TNR: variants seen among roughly 807,000 people sequenced by gnomAD.
TNR encodes the protein tenascin-R.
Under a neutral mutation model 150.4 loss-of-function variants are expected in TNR, and 45 were observed. That is an observed-to-expected ratio of 0.30 (90% CI 0.24 to 0.38). The LOEUF (loss-of-function observed/expected upper bound fraction) is 0.38. Among genes scored for constraint, TNR ranks in the 10% least tolerant of loss-of-function variants. The pLI is 1.00. For synonymous variants in TNR, 687 were observed against 678.4 expected, an observed-to-expected ratio of 1.01 and a Z score of -0.20; for missense variants, 1,544 against 1,759.1, an observed-to-expected ratio of 0.88 and a Z score of 2.19.
At position 175,681,464 on chromosome 1, in the gene TNR, A is replaced by T. The variant is rs530273293; in HGVS notation, c.-165+61762T>A. On this transcript the variant is annotated intron_variant, in intron 1 of 22. Coordinates refer to ENST00000367674, the MANE Select transcript of TNR (RefSeq NM_003285.3). ...TGCAGCAAAGAGAGCAGGAGCGAGGAGTGTGGAGGAAGGCTCCATCTATAG... is the reference window on the plus strand; with the variant it reads ...TGCAGCAAAGAGAGCAGGAGCGAGGTGTGTGGAGGAAGGCTCCATCTATAG... Among the ~76,000 whole-genome samples the T allele has an allele frequency of 8.9e-4, 136 of 152,302 alleles. 6 individuals carry two copies. The South Asian group carries it at 0.028, about 31-fold the overall frequency.
intron 1 of TNR, among the ~76,000 whole-genome samples, chr1:175,705,277 G>A (rs1666815104): frequency 2.0e-5 from 3 of 152,140 alleles, no homozygotes. Context: ...CTCAGCCACT[G>A]TAAACCCCAA....
chr1:175,571,939 C>A (rs551848132), intron 1 of TNR, among the ~76,000 whole-genome samples: 2 of 152,106 alleles, frequency 1.3e-5, no homozygotes, highest in African/African-American at 2.4e-5. Flanking sequence ...TGGAACCAGG[C>A]CTATTTGCCC....
intron 2 of TNR, among the ~76,000 whole-genome samples, chr1:175,440,966 C>T (rs751841149): frequency 1.1e-4 from 17 of 152,100 alleles, no homozygotes; most frequent in Non-Finnish European, 1.9e-4. Flanking sequence ...AGGGAAGGTA[C>T]TGTATATGGC....
intron 2 of TNR, among the ~76,000 whole-genome samples, chr1:175,527,846 T>G (rs1659906815): frequency 6.6e-6 from 1 of 152,208 alleles, no homozygotes; most frequent in South Asian, 2.1e-4. Context: ...AAGAGATGGA[T>G]ATTTTTTCAT....
At chr1:175,508,678 C>A (rs566504958) in intron 2 of TNR, among the ~76,000 whole-genome samples, 1 of 152,278 alleles carries the variant, frequency 6.6e-6, no homozygotes, top group South Asian at 2.1e-4. Flanking sequence ...AAATCTTTCT[C>A]CAGTTCTGCC....
At chr1:175,498,025 C>A (rs859391) in intron 2 of TNR, among the ~76,000 whole-genome samples, 89,755 of 151,970 alleles carry the variant, frequency 0.59, 26,771 homozygotes, top group African/African-American at 0.65. Context: ...ATGCCACTGC[C>A]CTCTAGCCTG....
chr1:175,518,633 C>T (rs1659507770), intron 2 of TNR, among the ~76,000 whole-genome samples: 1 of 152,092 alleles, frequency 6.6e-6, no homozygotes, highest in Admixed American at 6.5e-5. Context: ...TCACACAGTC[C>T]CTCTTGCTGC....
At chr1:175,350,671 A>T (rs549902377) in intron 18 of TNR, among the ~76,000 whole-genome samples, 196 of 152,332 alleles carry the variant, frequency 1.3e-3, no homozygotes, top group African/African-American at 4.5e-3. Flanking sequence ...GAAACACAAC[A>T]AGGGAAGACA....
chr1:175,395,410 G>A (rs989073160), intron 5 of TNR, among the ~76,000 whole-genome samples: 7 of 152,110 alleles, frequency 4.6e-5, no homozygotes, highest in South Asian at 2.1e-4. Context: ...TTACTGGCCC[G>A]GGGGCTTTCT....
chr1:175,317,894 C>G lies in TNR; in HGVS notation c.*5463G>C, dbSNP rs1317140145. 1.3e-5 allele frequency: 2 copies of G among 152,182 alleles called. No homozygotes were observed. Among genetic ancestry groups the G allele is most frequent in the East Asian group, 3.9e-4 (2 of 5,190 alleles). The allele number at this position is 152,182 out of a possible 1,614,324, so 9.4% of individuals were successfully genotyped here. A position where few individuals can be genotyped will look rare whatever the true frequency, so the allele number is the denominator to read the frequency against. ...CTTGAGGAAGGAGAGAGGATTTCCC[C>G]TTTGGAGAAAATGCAACACTGTCCA... On this transcript the variant is annotated 3_prime_UTR_variant, in exon 23 of 23. Coordinates refer to ENST00000367674, the MANE Select transcript of TNR (RefSeq NM_003285.3).
chr1:175,601,812 C>G (rs575554920), intron 1 of TNR, among the ~76,000 whole-genome samples: 1 of 152,088 alleles, frequency 6.6e-6, no homozygotes, highest in Non-Finnish European at 1.5e-5. Flanking sequence ...AACTCTATTC[C>G]TACCTAATAG....
intron 1 of TNR, among the ~76,000 whole-genome samples, chr1:175,648,543 T>C (rs981951274): frequency 6.6e-6 from 1 of 152,126 alleles, no homozygotes; most frequent in African/African-American, 2.4e-5. Flanking sequence ...AGATTGTCTA[T>C]CTCTGAGAAG....
At chr1:175,528,971 C>T (rs1571565352) in intron 1 of TNR, among the ~76,000 whole-genome samples, 1 of 152,338 alleles carries the variant, frequency 6.6e-6, no homozygotes, top group East Asian at 1.9e-4. Flanking sequence ...TAAATGCATG[C>T]AAAACAAAGT....
intron 1 of TNR, among the ~76,000 whole-genome samples, chr1:175,532,546 T>C (rs1660113237): frequency 6.6e-6 from 1 of 152,246 alleles, no homozygotes; most frequent in African/African-American, 2.4e-5. Context: ...AAGAAGTTCA[T>C]GAATTCTCCA....
rs547903125 is a variant in TNR at position 175,491,865 on chromosome 1, G to A, written c.-64+36404C>T. Among the ~76,000 whole-genome samples the A allele has an allele frequency of 2.4e-4, 36 of 151,764 alleles. No homozygotes were observed. The South Asian group carries it at 7.1e-3, about 30-fold the overall frequency. On this transcript the variant is annotated intron_variant, in intron 2 of 22. Coordinates refer to ENST00000367674, the MANE Select transcript of TNR (RefSeq NM_003285.3). ...GGGGTTTCACTGTGTTAGCCAGGAT[G>A]GTCTCGATCTCCTGACCTCGTGATC...
rs1391037583 is a variant in TNR, at chr1:175,406,757, A to G, written c.-43T>C. On this transcript the variant is annotated 5_prime_UTR_variant, in exon 3 of 23. Transcript: ENST00000367674. The stretch of plus-strand genomic sequence containing the variant: ...TGGGTTCAGGACCAGCCTGCAGCAC[A>G]CAGCATGGAGTTGTGGGAATCTGCA... 6.3e-7 allele frequency: 1 copy of G among 1,598,072 alleles called. No individual in the cohort carries two copies. The highest frequency in any genetic ancestry group is 1.7e-5 in the Admixed American group (1 of 58,956).
chr1:175,604,185 A>G (rs555200003), intron 1 of TNR, among the ~76,000 whole-genome samples: 1 of 152,234 alleles, frequency 6.6e-6, no homozygotes, highest in East Asian at 1.9e-4. Flanking sequence ...AGATGGGCCA[A>G]GGCAGGCCCA....
intron 1 of TNR, among the ~76,000 whole-genome samples, chr1:175,696,990 A>G (rs1221093618): frequency 1.3e-5 from 2 of 151,882 alleles, no homozygotes; most frequent in South Asian, 2.1e-4. Context: ...GGTTTGCCCT[A>G]GTTTACATTT....
intron 1 of TNR, among the ~76,000 whole-genome samples, chr1:175,623,557 G>C (rs1043427719): frequency 6.6e-6 from 1 of 152,094 alleles, no homozygotes; most frequent in Non-Finnish European, 1.5e-5. Context: ...ATCAAGCCCC[G>C]TGGGACACCC....
Sources: allele counts gnomAD v4.1 joint callset (sites outside exome capture counted in the v4.1 genomes callset), GRCh38; gene constraint gnomAD v4.1.1; transcripts MANE v1.5; gene names NCBI Gene and HGNC (gene_info 2026-07-23, HGNC 2026-07-21).